The following GPR135 variants were observed in gnomAD, a reference collection of about 807,000 sequenced individuals.
The protein encoded by GPR135 is G protein-coupled receptor 135, also known as G-protein coupled receptor 135.
In GPR135, 17 loss-of-function variants were observed where a neutral mutation model predicts 15.0. The ratio of observed to expected loss-of-function variants is 1.13; its 90% CI spans 0.78 to 1.70. GPR135 has a LOEUF of 1.70. Ranked by LOEUF, GPR135 falls within the 40% of genes most tolerant of loss-of-function variation. GPR135 has a pLI of 0.00. For missense variants in GPR135, 776 were observed against 727.0 expected (o/e 1.07, Z -0.78); for synonymous variants, 368 against 349.4 (o/e 1.05, Z -0.59).
chr14:59,463,478 T>A lies in GPR135; in HGVS notation c.*264A>T. 1 of 488,036 alleles carries A rather than the reference T, an allele frequency of 2.0e-6. No homozygotes were observed. Among genetic ancestry groups the A allele is most frequent in the Non-Finnish European group, 3.6e-6 (1 of 277,426 alleles). The allele number at this position is 488,036 out of a possible 1,614,324, so 30.2% of individuals were successfully genotyped here. On this transcript the variant is annotated 3_prime_UTR_variant, in exon 1 of 1. Coordinates refer to ENST00000395116, the MANE Select transcript of GPR135 (RefSeq NM_022571.6). Reference sequence around the variant, plus strand: ...TGAGCTTTTCAGTTATAGTGAATGTTATTTTTGTCATTTTTGGCACTTACA... The same window carrying A: ...TGAGCTTTTCAGTTATAGTGAATGTAATTTTTGTCATTTTTGGCACTTACA...
chr14:59,459,169 C>T (rs1888766851), downstream of GPR135, among the ~76,000 whole-genome samples: 3 of 152,200 alleles, frequency 2.0e-5, no homozygotes, highest in Admixed American at 2.0e-4. Flanking sequence ...ACCAGTTAAA[C>T]TTGTTTAATT....
rs1889083943 is a variant in GPR135 at position 59,464,978 on chromosome 14, C to CGCCCCCGCCTCCCGCGCT, written c.231_248dup (p.Arg79_Ala84dup). 1 of 1,466,040 alleles carries CGCCCCCGCCTCCCGCGCT rather than the reference C, an allele frequency of 6.8e-7. No individual in the cohort carries two copies. The allele number at this position is 1,466,040 out of a possible 1,614,324, so 90.8% of individuals were successfully genotyped here. ...CCGGGCCTAGCGGCCGCCTCACCGC[C>CGCCCCCGCCTCCCGCGCT]GCCCCCGCCTCCCGCGCTGCCCCGG... On this transcript the variant is annotated inframe_insertion, in exon 1 of 1. Coordinates refer to ENST00000395116, the MANE Select transcript of GPR135 (RefSeq NM_022571.6).
chr14:59,455,273 C>T (rs535549595), intron 6 of GPR135, among the ~76,000 whole-genome samples: 170 of 152,222 alleles, frequency 1.1e-3, no homozygotes, highest in Non-Finnish European at 2.0e-3. Context: ...AGAGGACCTG[C>T]GTCTTGATTC....
In GPR135 at chr14:59,463,908, G is replaced by A. The variant is rs770804971; in HGVS notation, c.1319C>T (p.Ala440Val). The change falls in exon 1 of 1, where the codon GCC (alanine) becomes GTC (valine). Residue 440 changes from alanine (A) to valine (V), a missense_variant. Ala to Val is a moderately conservative substitution (Grantham distance 64). Transcript: ENST00000395116. ...GTTGGAAGAGGACATCCTGTTGCAG[G>A]CCCCCAGCCGGTTGGCATAGCGGTT... ...LRNRYANRLG[A>V]CNRMSSSNPA... The A allele has an allele frequency of 3.7e-6, 6 of 1,614,062 alleles. 1 individual carries two copies. The South Asian group carries it at 6.6e-5, about 18-fold the overall frequency.
At position 59,462,909 on chromosome 14, in the gene GPR135, TA is replaced by T. The variant is rs1451426614; in HGVS notation, c.*832del. On this transcript the variant is annotated 3_prime_UTR_variant, in exon 1 of 1. Coordinates refer to ENST00000395116, the MANE Select transcript of GPR135 (RefSeq NM_022571.6). ...ATTTTCTACAATGAAAATATTTTTT[TA>T]AATGTGAAAGCATTCTGAGAGCAGC... 1 of 152,230 alleles carries T rather than the reference TA, an allele frequency of 6.6e-6. No homozygotes were observed. The highest frequency in any genetic ancestry group is 1.5e-5 in the Non-Finnish European group (1 of 68,026). 9.4% of individuals were successfully genotyped at this position (152,230 alleles called of 1,614,324 possible). A position where few individuals can be genotyped will look rare whatever the true frequency, so the allele number is the denominator to read the frequency against.
rs549870020 is a variant in GPR135, at chr14:59,461,205, T to C, written c.*2537A>G. The C allele has an allele frequency of 1.3e-5, 2 of 152,330 alleles. No individual in the cohort carries two copies. Among genetic ancestry groups the C allele is most frequent in the Admixed American group, 6.5e-5 (1 of 15,312 alleles). The allele number at this position is 152,330 out of a possible 1,614,324, so 9.4% of individuals were successfully genotyped here. A position where few individuals can be genotyped will look rare whatever the true frequency, so the allele number is the denominator to read the frequency against. ...TAAAGTAGGAAACAAAAATGGTAGATGATGATCACGATGATGATAATGATG... is the reference window on the plus strand; with the variant it reads ...TAAAGTAGGAAACAAAAATGGTAGACGATGATCACGATGATGATAATGATG... On this transcript the variant is annotated 3_prime_UTR_variant, in exon 1 of 1. Coordinates refer to ENST00000395116, the MANE Select transcript of GPR135 (RefSeq NM_022571.6).
Position 59,464,298 on chromosome 14 carries a change from C to T in GPR135, c.929G>A (p.Arg310His), listed in dbSNP as rs748681062. ...CGCGTAGGTGTTCACCGGCCGCACG[C>T]GCACGTCCGACAGGCGCACCGTCTT... is the stretch of plus-strand genomic sequence containing the variant. The part of the protein sequence containing the change: ...ICKTVRLSDV[R>H]VRPVNTYARV... The change falls in exon 1 of 1, where the codon CGC becomes CAC. Residue 310 changes from arginine to histidine, a missense_variant. By Grantham distance (29) the Arg-to-His change is conservative. Transcript: ENST00000395116. 1.9e-6 allele frequency: 3 copies of T among 1,611,756 alleles called. No individual in the cohort carries two copies. Among genetic ancestry groups the T allele is most frequent in the Non-Finnish European group, 2.5e-6 (3 of 1,179,536 alleles).
At chr14:59,459,389 T>C (rs916675890), downstream of GPR135, among the ~76,000 whole-genome samples, 1 of 152,182 alleles carries the variant, frequency 6.6e-6, no homozygotes, top group African/African-American at 2.4e-5. Flanking sequence ...TTTTTTGTGT[T>C]TAGAGAGGGG....
rs2139772355 is a variant in GPR135, at chr14:59,462,429, A to T, written c.*1313T>A. 6.6e-6 allele frequency: 1 copy of T among 152,312 alleles called. No individual in the cohort carries two copies. Among genetic ancestry groups the T allele is most frequent in the Admixed American group, 6.5e-5 (1 of 15,304 alleles). 9.4% of individuals were successfully genotyped at this position (152,312 alleles called of 1,614,324 possible). A position where few individuals can be genotyped will look rare whatever the true frequency, so the allele number is the denominator to read the frequency against. On this transcript the variant is annotated 3_prime_UTR_variant, in exon 1 of 1. Transcript: ENST00000395116. ...GATAGAAATTTAAAAAGCATCTTTGATTTGCATATTTCTAAAGATATTTTC... is the reference window on the plus strand; with the variant it reads ...GATAGAAATTTAAAAAGCATCTTTGTTTTGCATATTTCTAAAGATATTTTC...
chr14:59,463,970 G>T lies in GPR135; in HGVS notation c.1257C>A (p.Gly419=). The T allele has an allele frequency of 1.2e-6, 2 of 1,614,014 alleles. No individual in the cohort carries two copies. The highest frequency in any genetic ancestry group is 8.5e-7 in the Non-Finnish European group (1 of 1,180,040). ...TGCGGCTTCTGGCTTGCAGACCCGG[G>T]CCCTGGCTGGGCAGGAAAGCGTCCA... The part of the protein sequence containing the change: ...RNVDAFLPSQ[G]PGLQARSRSR... The change falls in exon 1 of 1, where the codon GGC becomes GGA. Residue 419 remains glycine, a synonymous_variant. Coordinates refer to ENST00000395116, the MANE Select transcript of GPR135 (RefSeq NM_022571.6).
chr14:59,464,980 C>T lies in GPR135; in HGVS notation c.247G>A (p.Ala83Thr), dbSNP rs1383606308. The T allele has an allele frequency of 1.4e-6, 2 of 1,456,718 alleles. No individual in the cohort carries two copies. The highest frequency in any genetic ancestry group is 2.8e-5 in the South Asian group (2 of 70,272). 90.2% of individuals were successfully genotyped at this position (1,456,718 alleles called of 1,614,324 possible). A position where few individuals can be genotyped will look rare whatever the true frequency, so the allele number is the denominator to read the frequency against. The change falls in exon 1 of 1, where the codon GCG (alanine) becomes ACG (threonine). Residue 83 changes from alanine to threonine, a missense_variant. Physicochemically the swap from Ala to Thr is moderately conservative, Grantham distance 58. Transcript: ENST00000395116. The stretch of plus-strand genomic sequence containing the variant: ...GGGCCTAGCGGCCGCCTCACCGCCG[C>T]CCCCGCCTCCCGCGCTGCCCCGGAC... ...GGSGAAREAG[A>T]AVRRPLGPEA...
chr14:59,453,153 T>C (rs1295831633), intron 6 of GPR135, among the ~76,000 whole-genome samples: 1 of 152,208 alleles, frequency 6.6e-6, no homozygotes, highest in African/African-American at 2.4e-5. Context: ...TAATTATAAA[T>C]ACATGTTATG....
In GPR135 at chr14:59,465,138, G is replaced by A. The variant is rs1425535691; in HGVS notation, c.89C>T (p.Pro30Leu). 7.4e-7 allele frequency: 1 copy of A among 1,359,708 alleles called. No individual in the cohort carries two copies. Among genetic ancestry groups the A allele is most frequent in the Non-Finnish European group, 9.5e-7 (1 of 1,056,510 alleles). The allele number at this position is 1,359,708 out of a possible 1,614,324, so 84.2% of individuals were successfully genotyped here. A position where few individuals can be genotyped will look rare whatever the true frequency, so the allele number is the denominator to read the frequency against. ...CGTGGCCGCGGAGGAAGTCCCGCCAGGTGGGCCGGCCGCGGAGGGGGCGCC... is the reference window on the plus strand; with the variant it reads ...CGTGGCCGCGGAGGAAGTCCCGCCAAGTGGGCCGGCCGCGGAGGGGGCGCC... Reference protein sequence around the residue: ...HSGAPSAAGPPGGTSSAATAA... With the variant: ...HSGAPSAAGPLGGTSSAATAA... Residue 30 changes from proline to leucine, a missense_variant, in exon 1 of 1, where the codon CCT (proline) becomes CTT (leucine). Coordinates refer to ENST00000395116, the MANE Select transcript of GPR135 (RefSeq NM_022571.6).
Position 59,464,601 on chromosome 14 carries a change from C to T in GPR135, c.626G>A (p.Arg209His), listed in dbSNP as rs780904264. 1.3e-6 allele frequency: 2 copies of T among 1,595,288 alleles called. No homozygotes were observed. Among genetic ancestry groups the T allele is most frequent in the Non-Finnish European group, 8.5e-7 (1 of 1,177,594 alleles). Residue 209 changes from arginine (R) to histidine (H), a missense_variant, in exon 1 of 1, where the codon CGT becomes CAT. Transcript: ENST00000395116. Reference sequence around the variant, plus strand: ...CGGCGGCCGCACGATAGCGCAGTAACGGTCCAACGAGATGAGCGCCACGCT... The same window carrying T: ...CGGCGGCCGCACGATAGCGCAGTAATGGTCCAACGAGATGAGCGCCACGCT... ...TLSVALISLD[R>H]YCAIVRPPRE...
At position 59,464,538 on chromosome 14, in the gene GPR135, A is replaced by G. The variant is rs1889030910; in HGVS notation, c.689T>C (p.Leu230Pro). ...CAGGGCCGTCAGCCAGGCGCCCGCC[A>G]GCAGCTGCAGCGCGCGGCGGCGGCC... ...KIGRRRALQL[L>P]AGAWLTALGF... is the part of the protein sequence containing the mutation. The change falls in exon 1 of 1, where the codon CTG (leucine) becomes CCG (proline). Residue 230 changes from leucine (L) to proline (P), a missense_variant. By Grantham distance (98) the Leu-to-Pro change is moderately conservative (BLOSUM62 -3). Coordinates refer to ENST00000395116, the MANE Select transcript of GPR135 (RefSeq NM_022571.6). The G allele has an allele frequency of 1.9e-6, 3 of 1,550,266 alleles. No individual in the cohort carries two copies. Among genetic ancestry groups the G allele is most frequent in the Non-Finnish European group, 2.6e-6 (3 of 1,159,176 alleles).
rs1594893175 is a variant in GPR135 at position 59,460,923 on chromosome 14, T to C, written c.*2819A>G. ...CATTCTTTCTTCACCTTTTGAGGTA[T>C]TGATTGTCTAAGTATTTACACTGGG... On this transcript the variant is annotated 3_prime_UTR_variant, in exon 1 of 1. Coordinates refer to ENST00000395116, the MANE Select transcript of GPR135 (RefSeq NM_022571.6). 6.6e-6 allele frequency: 1 copy of C among 152,266 alleles called. No homozygotes were observed. Among genetic ancestry groups the C allele is most frequent in the Non-Finnish European group, 1.5e-5 (1 of 68,038 alleles). 9.4% of individuals were successfully genotyped at this position (152,266 alleles called of 1,614,324 possible). A position where few individuals can be genotyped will look rare whatever the true frequency, so the allele number is the denominator to read the frequency against.
Position 59,465,019 on chromosome 14 carries a change from C to T in GPR135, c.208G>A (p.Gly70Ser). Residue 70 changes from glycine to serine, a missense_variant, in exon 1 of 1, where the codon GGC (glycine) becomes AGC (serine). Physicochemically the swap from Gly to Ser is moderately conservative, Grantham distance 56. Transcript: ENST00000395116. ...GCTGCCCCGGACCCGCCAAGGCCGC[C>T]GCCACCGGGAGCGGCAGCTGTGCCG... ...GGGTAAAPGG[G>S]GLGGSGAARE... 2 of 1,333,236 alleles carry T rather than the reference C, an allele frequency of 1.5e-6. No individual in the cohort carries two copies. The highest frequency in any genetic ancestry group is 1.9e-6 in the Non-Finnish European group (2 of 1,046,258). The allele number at this position is 1,333,236 out of a possible 1,614,324, so 82.6% of individuals were successfully genotyped here.
In GPR135 at chr14:59,464,517, G is replaced by A; in HGVS notation, c.710C>T (p.Ala237Val). The A allele has an allele frequency of 6.5e-7, 1 of 1,538,328 alleles. No homozygotes were observed. Among genetic ancestry groups the A allele is most frequent in the Non-Finnish European group, 8.7e-7 (1 of 1,152,104 alleles). The change falls in exon 1 of 1, where the codon GCC becomes GTC. Residue 237 changes from alanine (A) to valine (V), a missense_variant. Transcript: ENST00000395116. ...CTCCCAGGGCAAGGAGAAGCCCAGG[G>A]CCGTCAGCCAGGCGCCCGCCAGCAG... The part of the protein sequence containing the change: ...LQLLAGAWLT[A>V]LGFSLPWELL...
intron 6 of GPR135, among the ~76,000 whole-genome samples, chr14:59,454,751 A>G (rs1160662193): frequency 1.3e-5 from 2 of 152,294 alleles, no homozygotes; most frequent in Non-Finnish European, 2.9e-5. Context: ...AAAAGCCAGA[A>G]TGACTATCCT....
Sources: gnomAD v4.1 joint callset for allele counts (sites outside exome capture counted in the v4.1 genomes callset) on GRCh38, gnomAD v4.1.1 for gene constraint, MANE v1.5 for transcripts, NCBI Gene and HGNC (gene_info 2026-07-23, HGNC 2026-07-21) for gene names.